The following CUBN variants were observed in gnomAD, a reference collection of about 807,000 sequenced individuals.
CUBN encodes cubilin.
In CUBN, 282 loss-of-function variants were observed where a neutral mutation model predicts 405.3. The observed-to-expected ratio is 0.70, with a 90% CI of 0.63 to 0.77. The LOEUF (loss-of-function observed/expected upper bound fraction) is 0.77, where lower values mean the gene tolerates loss of function less well. Ranked by LOEUF, CUBN falls within the 30% of genes least tolerant of loss-of-function variation. CUBN has a pLI of 0.00. For missense variants in CUBN, 4,514 were observed against 4,475.2 expected, an observed-to-expected ratio of 1.01 and a Z score of -0.25; for synonymous variants, 1,684 against 1,617.0, an observed-to-expected ratio of 1.04 and a Z score of -0.99.
intron 27 of CUBN, among the ~76,000 whole-genome samples, chr10:17,022,300 C>G (rs1477751405): frequency 1.3e-5 from 2 of 152,152 alleles, no homozygotes; most frequent in African/African-American, 4.8e-5. Context: ...AAGACAAGCT[C>G]AGAAGCCTAT....
At chr10:17,127,208 T>C (rs1423752153) in intron 3 of CUBN, among the ~76,000 whole-genome samples, 1 of 143,776 alleles carries the variant, frequency 7.0e-6, no homozygotes, top group South Asian at 2.2e-4. Context: ...CACTCTGTCT[T>C]TCTTTCTCTC....
In CUBN at chr10:16,928,524, AC is replaced by A. The variant is rs375404995; in HGVS notation, c.6125-222del. On this transcript the variant is annotated intron_variant, in intron 40 of 66. Coordinates refer to ENST00000377833, the MANE Select transcript of CUBN (RefSeq NM_001081.4). ...CTTTTCTTTACCCCCACCCCACCCC[AC>A]CCCCCCCTTTTTTTTTTTTTTTGAG... is the stretch of plus-strand genomic sequence containing the variant. 1.0e-3 allele frequency among the ~76,000 whole-genome samples: 102 copies of A among 99,672 alleles called. 2 individuals carry two copies. The highest frequency in any genetic ancestry group is 1.6e-3 in the Non-Finnish European group (81 of 51,816). The allele number at this position is 99,672 out of a possible 152,430, so 65.4% of individuals were successfully genotyped here. A position where few individuals can be genotyped will look rare whatever the true frequency, so the allele number is the denominator to read the frequency against.
At chr10:16,844,490 G>A (rs1839452951) in intron 60 of CUBN, among the ~76,000 whole-genome samples, 1 of 152,176 alleles carries the variant, frequency 6.6e-6, no homozygotes, top group Non-Finnish European at 1.5e-5. Flanking sequence ...AAGGAGTCTG[G>A]ATCTGATCCT....
intron 31 of CUBN, among the ~76,000 whole-genome samples, chr10:16,967,343 T>C (rs1169567513): frequency 6.6e-6 from 1 of 152,192 alleles, no homozygotes; most frequent in Non-Finnish European, 1.5e-5. Context: ...CCTGGAAATG[T>C]TGACATGAGA....
In CUBN at chr10:16,947,424, A is replaced by C. The variant is rs1437567600; in HGVS notation, c.5210-57T>G. 3 of 1,575,932 alleles carry C rather than the reference A, an allele frequency of 1.9e-6. No individual in the cohort carries two copies. In the African/African-American group the frequency reaches 4.0e-5, roughly 21 times the overall value. On this transcript the variant is annotated intron_variant, in intron 35 of 66. Transcript: ENST00000377833. ...GAGCAAAGACTGCATCAGACACTAT[A>C]AAATAAAGGAGAAAGAACGCTAGAG...
chr10:16,920,539 G>A (rs111513471), intron 43 of CUBN, among the ~76,000 whole-genome samples: 8,337 of 152,114 alleles, frequency 0.055, 334 homozygotes, highest in Non-Finnish European at 0.086. Context: ...TATGATCTTG[G>A]TATATTTAAA....
At chr10:16,834,102 G>A (rs1480598746) in intron 64 of CUBN, among the ~76,000 whole-genome samples, 2 of 152,042 alleles carry the variant, frequency 1.3e-5, no homozygotes, top group African/African-American at 2.4e-5. Context: ...ATGCATTTTC[G>A]ACAGAGCTTG....
At chr10:17,054,933 T>G (rs1398301254) in intron 22 of CUBN, among the ~76,000 whole-genome samples, 1 of 152,080 alleles carries the variant, frequency 6.6e-6, no homozygotes, top group Non-Finnish European at 1.5e-5. Context: ...GAAGATATTT[T>G]CTAACTAACA....
At position 16,918,718 on chromosome 10, in the gene CUBN, G is replaced by A. The variant is rs1346528643; in HGVS notation, c.6904C>T (p.Pro2302Ser). The change falls in exon 45 of 67, where the codon CCC becomes TCC. Residue 2302 changes from proline (P) to serine (S), a missense_variant. Pro to Ser is a moderately conservative substitution (Grantham distance 74, BLOSUM62 -1). This residue lies in a region of CUBN where 1,613 missense variants were observed against 1,542.8 expected (regional missense o/e 1.05). Coordinates refer to ENST00000377833, the MANE Select transcript of CUBN (RefSeq NM_001081.4). ...TCTCCTGAGGACCACTGACTGCTGG[G>A]CAAAGATGTCCCACAAAATTTGGAA... ...ILSKFCGTSL[P>S]SSQWSSGEVM... 3 of 1,613,750 alleles carry A rather than the reference G, an allele frequency of 1.9e-6. No individual in the cohort carries two copies. Among genetic ancestry groups the A allele is most frequent in the African/African-American group, 1.3e-5 (1 of 74,884 alleles).
chr10:17,070,688 G>A (rs1458614728), intron 19 of CUBN, among the ~76,000 whole-genome samples: 1 of 152,088 alleles, frequency 6.6e-6, no homozygotes. Context: ...TATAGAAAAA[G>A]AAAGATTTCT....
intron 31 of CUBN, among the ~76,000 whole-genome samples, chr10:16,977,860 C>T (rs918064200): frequency 6.6e-6 from 1 of 152,246 alleles, no homozygotes; most frequent in African/African-American, 2.4e-5. Context: ...AGCACTTGAA[C>T]AGATGAGACA....
chr10:17,041,064 T>C lies in CUBN; in HGVS notation c.3986A>G (p.His1329Arg). 4 of 1,613,850 alleles carry C rather than the reference T, an allele frequency of 2.5e-6. No individual in the cohort carries two copies. The highest frequency in any genetic ancestry group is 3.4e-6 in the Non-Finnish European group (4 of 1,179,764). ...NYTFLAFDLEHHINCSTDYLE... is the reference protein window; with the variant it reads ...NYTFLAFDLERHINCSTDYLE... ...ATAATCTGTGGAGCAGTTTATGTGA[T>C]GTTCCAAGTCAAATGCTAAAAATGT... Residue 1329 changes from histidine to arginine, a missense_variant, in exon 27 of 67, where the codon CAT becomes CGT. Physicochemically the swap from His to Arg is conservative, Grantham distance 29 (BLOSUM62 0). This residue lies in a region of CUBN where 242 missense variants were observed against 309.0 expected (regional missense o/e 0.78). Coordinates refer to ENST00000377833, the MANE Select transcript of CUBN (RefSeq NM_001081.4).
chr10:16,846,011 G>A (rs1265193813), intron 60 of CUBN, among the ~76,000 whole-genome samples: 2 of 152,144 alleles, frequency 1.3e-5, no homozygotes, highest in African/African-American at 4.8e-5. Context: ...TGAATGTCCT[G>A]TCAGACATTT....
At chr10:17,123,772 T>C (rs1837101365) in intron 4 of CUBN, 83 bp from the exon 5 acceptor site, 6 of 887,316 alleles carry the variant, frequency 6.8e-6, no homozygotes, top group Non-Finnish European at 1.1e-5. Context: ...TGGGATTACA[T>C]TTAACTCTTA....
intron 13 of CUBN, among the ~76,000 whole-genome samples, chr10:17,102,922 T>C (rs1274248693): frequency 6.6e-6 from 1 of 152,044 alleles, no homozygotes; most frequent in Non-Finnish European, 1.5e-5. Flanking sequence ...CCAGCCCCTG[T>C]GACTTATTTC....
intron 28 of CUBN, among the ~76,000 whole-genome samples, chr10:16,994,616 C>T (rs2131725699): frequency 6.6e-6 from 1 of 152,266 alleles, no homozygotes; most frequent in South Asian, 2.1e-4. Flanking sequence ...GGAAATAACA[C>T]AGGCAGGGAT....
chr10:17,073,132 T>C (rs1208164759), intron 17 of CUBN, among the ~76,000 whole-genome samples: 2 of 152,102 alleles, frequency 1.3e-5, no homozygotes, highest in African/African-American at 4.8e-5. Flanking sequence ...AATCCCAACA[T>C]AGATTATAGA....
chr10:16,939,223 A>T, intron 37 of CUBN, 76 bp from the exon 38 acceptor site: 5 of 1,165,452 alleles, frequency 4.3e-6, no homozygotes, highest in Middle Eastern at 3.8e-4. Context: ...ACAAAAGGCA[A>T]AGGGTGTTGA....
At chr10:16,883,865 T>A (rs1006232297) in intron 56 of CUBN, among the ~76,000 whole-genome samples, 12 of 152,252 alleles carry the variant, frequency 7.9e-5, no homozygotes, top group Non-Finnish European at 1.5e-4. Context: ...TGAGAAACAC[T>A]GAGTTTACAG....
Sources: gnomAD v4.1 joint callset for allele counts (sites outside exome capture counted in the v4.1 genomes callset) on GRCh38, gnomAD v4.1.1 for gene constraint, gnomAD v4.1.1 regional missense constraint, MANE v1.5 for transcripts, NCBI Gene and HGNC (gene_info 2026-07-23, HGNC 2026-07-21) for gene names.